The following CTNNA3 variants were observed in gnomAD, a reference collection of about 807,000 sequenced individuals.
CTNNA3 encodes catenin alpha-3.
Under a neutral mutation model 95.7 loss-of-function variants are expected in CTNNA3, and 76 were observed. That is an observed-to-expected ratio of 0.79 (90% CI 0.66 to 0.96). The LOEUF is 0.96. Ranked by LOEUF, CTNNA3 falls within the 40% of genes least tolerant of loss-of-function variation. The pLI, the probability that CTNNA3 is intolerant of heterozygous loss-of-function variation, is 0.00. For missense variants in CTNNA3, 1,191 were observed against 1,089.8 expected (o/e 1.09, Z -1.31); for synonymous variants, 431 against 374.4 (o/e 1.15, Z -1.74).
At chr10:66,912,116 A>C (rs569681669) in intron 7 of CTNNA3, among the ~76,000 whole-genome samples, 3 of 152,306 alleles carry the variant, frequency 2.0e-5, no homozygotes, top group African/African-American at 7.2e-5. Flanking sequence ...GCATCATCAG[A>C]AGATTACAGA....
At chr10:67,245,994 C>G (rs1246955260) in intron 5 of CTNNA3, among the ~76,000 whole-genome samples, 2 of 152,044 alleles carry the variant, frequency 1.3e-5, no homozygotes, top group Non-Finnish European at 2.9e-5. Context: ...ACCTGCATAT[C>G]TTAGGATTTG....
At chr10:67,158,727 T>C (rs1861411480) in intron 7 of CTNNA3, among the ~76,000 whole-genome samples, 1 of 152,164 alleles carries the variant, frequency 6.6e-6, no homozygotes, top group African/African-American at 2.4e-5. Context: ...TACTTACTGC[T>C]TCCTTGCTTG....
At chr10:66,132,410 G>A (rs1395706410) in intron 13 of CTNNA3, among the ~76,000 whole-genome samples, 1 of 152,138 alleles carries the variant, frequency 6.6e-6, no homozygotes. Flanking sequence ...AACAGGTGCT[G>A]GCAAGGTAGT....
At chr10:66,436,571 A>T (rs1207377517) in intron 11 of CTNNA3, among the ~76,000 whole-genome samples, 1 of 64,322 alleles carries the variant, frequency 1.6e-5, no homozygotes, top group African/African-American at 6.4e-5. Context: ...CACTATTTTT[A>T]GCCTTTGTTT....
At chr10:65,956,235 TC>T (rs2077728191) in intron 17 of CTNNA3, among the ~76,000 whole-genome samples, 1 of 152,128 alleles carries the variant, frequency 6.6e-6, no homozygotes, top group South Asian at 2.1e-4. Context: ...AGTGGTGAGA[TC>T]CCCTTTATCA....
intron 7 of CTNNA3, among the ~76,000 whole-genome samples, chr10:67,179,511 A>AC (rs1398259796): frequency 1.3e-5 from 2 of 151,554 alleles, no homozygotes; most frequent in African/African-American, 4.8e-5. Flanking sequence ...AAAAAAAAAA[A>AC]AAACTAGACA....
At chr10:67,505,710 C>T (rs1313107746) in intron 5 of CTNNA3, among the ~76,000 whole-genome samples, 1 of 152,184 alleles carries the variant, frequency 6.6e-6, no homozygotes, top group Non-Finnish European at 1.5e-5. Flanking sequence ...CACAAGTCAG[C>T]TGTTAATGCT....
chr10:67,367,208 C>A (rs1245493279), intron 5 of CTNNA3, among the ~76,000 whole-genome samples: 1 of 152,036 alleles, frequency 6.6e-6, no homozygotes, highest in African/African-American at 2.4e-5. Flanking sequence ...AAAATCCAGA[C>A]TCTATAAGGA....
intron 5 of CTNNA3, among the ~76,000 whole-genome samples, chr10:67,351,034 A>G (rs1295658770): frequency 6.6e-6 from 1 of 151,864 alleles, no homozygotes; most frequent in Non-Finnish European, 1.5e-5. Context: ...AATAGTATCC[A>G]ACAATAAAGA....
intron 9 of CTNNA3, among the ~76,000 whole-genome samples, chr10:66,668,025 T>C (rs1407679198): frequency 1.3e-5 from 2 of 152,188 alleles, no homozygotes; most frequent in African/African-American, 4.8e-5. Context: ...ATCAGATTGA[T>C]GAAAGGATCA....
At chr10:66,999,267 T>C (rs16923915) in intron 7 of CTNNA3, among the ~76,000 whole-genome samples, 2,569 of 152,228 alleles carry the variant, frequency 0.017, 81 homozygotes, top group African/African-American at 0.059. Context: ...TGTGACTGAA[T>C]AAAAATGTAA....
intron 5 of CTNNA3, among the ~76,000 whole-genome samples, chr10:67,345,012 CTGCATTCCACA>C (rs1842358410): frequency 6.6e-6 from 1 of 151,708 alleles, no homozygotes; most frequent in Non-Finnish European, 1.5e-5. Flanking sequence ...ACTGATTTTA[CTGCATTCCACA>C]GGTTTTGGTA....
intron 5 of CTNNA3, among the ~76,000 whole-genome samples, chr10:67,496,148 C>G (rs1183493680): frequency 6.6e-6 from 1 of 152,112 alleles, no homozygotes; most frequent in Non-Finnish European, 1.5e-5. Context: ...CATAAATTGA[C>G]TTTCTTTATA....
intron 13 of CTNNA3, among the ~76,000 whole-genome samples, chr10:66,209,298 C>A (rs950472481): frequency 6.6e-6 from 1 of 152,080 alleles, no homozygotes; most frequent in Non-Finnish European, 1.5e-5. Context: ...TCTCTTGAAG[C>A]TTACACTCTA....
At chr10:66,019,090 A>G (rs1211471542) in intron 15 of CTNNA3, among the ~76,000 whole-genome samples, 3 of 152,164 alleles carry the variant, frequency 2.0e-5, no homozygotes, top group African/African-American at 4.8e-5. Context: ...AAAATGTCAT[A>G]TGTTATCTAT....
intron 7 of CTNNA3, among the ~76,000 whole-genome samples, chr10:66,793,339 G>C (rs1053758097): frequency 2.0e-5 from 3 of 152,042 alleles, no homozygotes; most frequent in African/African-American, 7.2e-5. Context: ...AGATGGGCTT[G>C]TGCTATGTTG....
chr10:66,254,140 A>G (rs2090666070), intron 13 of CTNNA3, among the ~76,000 whole-genome samples: 1 of 152,082 alleles, frequency 6.6e-6, no homozygotes, highest in Non-Finnish European at 1.5e-5. Flanking sequence ...AACACTACTA[A>G]ATACACTCCC....
At chr10:67,247,642 A>G (rs969985223) in intron 5 of CTNNA3, among the ~76,000 whole-genome samples, 2 of 152,154 alleles carry the variant, frequency 1.3e-5, no homozygotes, top group Non-Finnish European at 2.9e-5. Context: ...TGCAGATCCT[A>G]AATGCAAAAA....
At chr10:67,675,562 T>C (rs1840520062) in intron 1 of CTNNA3, among the ~76,000 whole-genome samples, 1 of 152,154 alleles carries the variant, frequency 6.6e-6, no homozygotes, top group Admixed American at 6.5e-5. Context: ...CACTCTGCCT[T>C]TTCTGCCCAC....
Sources: gnomAD v4.1 joint callset for allele counts (sites outside exome capture counted in the v4.1 genomes callset) on GRCh38, gnomAD v4.1.1 for gene constraint, MANE v1.5 for transcripts, NCBI Gene and HGNC (gene_info 2026-07-23, HGNC 2026-07-21) for gene names.